COPG2: variants seen among roughly 807,000 people sequenced by gnomAD.
COPG2 encodes coat protein complex I subunit gamma 2, also known as coatomer subunit gamma-2.
Under a neutral mutation model 46.3 loss-of-function variants are expected in COPG2, and 37 were observed. That is an observed-to-expected ratio of 0.80 (90% CI 0.61 to 1.05). COPG2 has a LOEUF of 1.05. COPG2 is among the 50% of genes least tolerant of loss of function. The pLI is 0.00. For missense variants in COPG2, 427 were observed against 387.8 expected (o/e 1.10, Z -0.85); for synonymous variants, 159 against 129.7 (o/e 1.23, Z -1.53).
At chr7:130,631,211 A>C (rs1795223833) in intron 5 of COPG2, among the ~76,000 whole-genome samples, 1 of 128,642 alleles carries the variant, frequency 7.8e-6, no homozygotes. Flanking sequence ...TTGCTCTGTC[A>C]CCCAGGCTGG....
chr7:130,608,075 T>C (rs972980420), intron 9 of COPG2: 13 of 342,738 alleles, frequency 3.8e-5, no homozygotes, highest in Non-Finnish European at 6.8e-5. Flanking sequence ...TTTTTAAATA[T>C]TCCATTTTAT....
chr7:130,574,398 T>G (rs1793968320), intron 9 of COPG2, among the ~76,000 whole-genome samples: 1 of 152,116 alleles, frequency 6.6e-6, no homozygotes, highest in Non-Finnish European at 1.5e-5. Context: ...TGGTACCAGC[T>G]TGGAGCTGGG....
At chr7:130,615,896 G>A (rs186950982) in intron 6 of COPG2, among the ~76,000 whole-genome samples, 1 of 152,156 alleles carries the variant, frequency 6.6e-6, no homozygotes, top group African/African-American at 2.4e-5. Flanking sequence ...TGGTGAGGAG[G>A]AACAATAAAT....
chr7:130,603,590 G>A (rs1554450675), intron 9 of COPG2, among the ~76,000 whole-genome samples: 1 of 151,814 alleles, frequency 6.6e-6, no homozygotes, highest in African/African-American at 2.4e-5. Flanking sequence ...GTGTGGTGGT[G>A]CGTGCCTGCA....
intron 5 of COPG2, among the ~76,000 whole-genome samples, chr7:130,638,238 G>A (rs1321726038): frequency 6.6e-6 from 1 of 152,142 alleles, no homozygotes; most frequent in African/African-American, 2.4e-5. Context: ...TGACCCTTAG[G>A]AGAGCTTGAG....
At chr7:130,662,712 T>C (rs1796002044) in intron 4 of COPG2, among the ~76,000 whole-genome samples, 1 of 152,208 alleles carries the variant, frequency 6.6e-6, no homozygotes, top group Non-Finnish European at 1.5e-5. Flanking sequence ...TCAGTCCACC[T>C]TCACAGTGTC....
chr7:130,666,665 C>A (rs1432798108), intron 3 of COPG2, among the ~76,000 whole-genome samples, 184 bp downstream of exon 3: 1 of 152,160 alleles, frequency 6.6e-6, no homozygotes, highest in African/African-American at 2.4e-5. Context: ...AAGGTATACT[C>A]AACCTGTATA....
chr7:130,644,367 A>C (rs1479575390), intron 5 of COPG2, among the ~76,000 whole-genome samples: 2 of 152,158 alleles, frequency 1.3e-5, no homozygotes, highest in Non-Finnish European at 2.9e-5. Flanking sequence ...GTCTACTTTG[A>C]ACACTCTTCA....
In COPG2 at chr7:130,547,704, C is replaced by G; in HGVS notation, c.2119G>C (p.Val707Leu). 2.5e-6 allele frequency: 1 copy of G among 398,548 alleles called. No homozygotes were observed. Among genetic ancestry groups the G allele is most frequent in the East Asian group, 3.6e-5 (1 of 28,080 alleles). The allele number at this position is 398,548 out of a possible 1,614,324, so 24.7% of individuals were successfully genotyped here. The change falls in exon 20 of 24, where the codon GTT becomes CTT. Residue 707 changes from valine to leucine, a missense_variant. Physicochemically the swap from Val to Leu is conservative, Grantham distance 32. Coordinates refer to ENST00000425248, the MANE Select transcript of COPG2 (RefSeq NM_012133.6). ...YNQPGICYTL[V>L]RLPDDDPTAV... ...GTAGGGTCATCATCAGGCAAACGAA[C>G]AAGAGTGTAACATATTCCTGGTTGG...
intron 20 of COPG2, chr7:130,509,613 A>C (rs1481185568): frequency 2.1e-6 from 1 of 484,262 alleles, no homozygotes; most frequent in Non-Finnish European, 4.2e-6. Flanking sequence ...ATCCATCCAC[A>C]CATGTAGTGA....
chr7:130,627,831 T>A (rs1206816350), intron 5 of COPG2, among the ~76,000 whole-genome samples: 1 of 152,096 alleles, frequency 6.6e-6, no homozygotes, highest in Non-Finnish European at 1.5e-5. Flanking sequence ...GGAATTACCA[T>A]ACTGGCATTT....
intron 5 of COPG2, among the ~76,000 whole-genome samples, chr7:130,641,102 G>A (rs1232878069): frequency 6.7e-6 from 1 of 150,370 alleles, no homozygotes; most frequent in East Asian, 1.9e-4. Flanking sequence ...CACTTTGGGA[G>A]GCTGAGATGA....
intron 9 of COPG2, 131 bp from the exon 10 acceptor site, chr7:130,564,524 C>A (rs1793771814): frequency 2.5e-6 from 1 of 396,596 alleles, no homozygotes; most frequent in South Asian, 1.4e-4. Flanking sequence ...AAATTCATTT[C>A]ATCACAAAGC....
At chr7:130,666,292 TG>T (rs1796078361) in intron 3 of COPG2, among the ~76,000 whole-genome samples, 2 of 152,232 alleles carry the variant, frequency 1.3e-5, no homozygotes, top group Middle Eastern at 6.3e-3. Flanking sequence ...GATCTTGCAC[TG>T]TATTTTCAGA....
At chr7:130,595,404 T>A (rs1018712611) in intron 9 of COPG2, among the ~76,000 whole-genome samples, 8 of 152,312 alleles carry the variant, frequency 5.3e-5, no homozygotes, top group Non-Finnish European at 1.0e-4. Context: ...GCTTTCTTTG[T>A]GAGGTGATGC....
At chr7:130,558,836 G>T (rs1280615027) in intron 12 of COPG2, among the ~76,000 whole-genome samples, 1 of 152,088 alleles carries the variant, frequency 6.6e-6, no homozygotes, top group Non-Finnish European at 1.5e-5. Context: ...ATAGAATTTT[G>T]GGGGGCAACT....
At chr7:130,509,559 A>ACCC in intron 20 of COPG2, 1 of 422,680 alleles carries the variant, frequency 2.4e-6, no homozygotes. Flanking sequence ...ATTGGGTAAT[A>ACCC]AGACTTTCAT....
chr7:130,652,124 G>A lies in COPG2; in HGVS notation c.323+745C>T, dbSNP rs142263366. ...AAATAATTTTATCAATGGTAGACACGTAAGTTGTTTGTCCTTTTTTCTACT... is the reference window on the plus strand; with the variant it reads ...AAATAATTTTATCAATGGTAGACACATAAGTTGTTTGTCCTTTTTTCTACT... On this transcript the variant is annotated intron_variant, in intron 5 of 23. Transcript: ENST00000425248. Among the ~76,000 whole-genome samples, 22 of 152,252 alleles carry A rather than the reference G, an allele frequency of 1.4e-4. No homozygotes were observed. In the East Asian group the frequency reaches 2.9e-3, roughly 20 times the overall value.
At chr7:130,510,751 T>C (rs1022963088) in intron 20 of COPG2, among the ~76,000 whole-genome samples, 1 of 152,258 alleles carries the variant, frequency 6.6e-6, no homozygotes, top group Admixed American at 6.5e-5. Context: ...AATGGTTTGA[T>C]TGATACAATG....
Sources: allele counts gnomAD v4.1 joint callset (sites outside exome capture counted in the v4.1 genomes callset), GRCh38; gene constraint gnomAD v4.1.1; transcripts MANE v1.5; gene names NCBI Gene and HGNC (gene_info 2026-07-23, HGNC 2026-07-21).